Variants in PTPRG observed in about 807,000 individuals in gnomAD.
The protein encoded by PTPRG is receptor-type tyrosine-protein phosphatase gamma.
In PTPRG, 102 loss-of-function variants were observed where a neutral mutation model predicts 165.3. The observed-to-expected ratio is 0.62, with a 90% CI of 0.53 to 0.73. The LOEUF (loss-of-function observed/expected upper bound fraction) is 0.73, where lower values mean the gene tolerates loss of function less well. Among genes scored for constraint, PTPRG ranks in the 30% least tolerant of loss-of-function variants. PTPRG has a pLI of 0.00. For synonymous variants in PTPRG, 675 were observed against 669.5 expected, an observed-to-expected ratio of 1.01 and a Z score of -0.13; for missense variants, 1,866 against 1,861.4, an observed-to-expected ratio of 1.00 and a Z score of -0.05.
chr3:62,277,441 T>A, intron 25 of PTPRG, 110 bp from the exon 26 acceptor site: 1 of 1,241,620 alleles, frequency 8.1e-7, no homozygotes, highest in South Asian at 1.4e-5. Context: ...TTCTCAATTA[T>A]TTTAGTGTAG....
chr3:61,814,609 C>T (rs1019891481), intron 2 of PTPRG, among the ~76,000 whole-genome samples: 2 of 151,878 alleles, frequency 1.3e-5, no homozygotes, highest in Non-Finnish European at 2.9e-5. Context: ...TGGGAGGCTG[C>T]TTAGAATTCT....
At chr3:62,249,776 GAAGCCTACCCTC>G (rs1701370186) in intron 15 of PTPRG, among the ~76,000 whole-genome samples, 1 of 152,206 alleles carries the variant, frequency 6.6e-6, no homozygotes, top group Non-Finnish European at 1.5e-5. Context: ...CCAAGTAACT[GAAGCCTACCCTC>G]AAAGCCAAAG....
chr3:61,905,639 G>T (rs187021415), intron 2 of PTPRG, among the ~76,000 whole-genome samples: 1 of 152,222 alleles, frequency 6.6e-6, no homozygotes, highest in Non-Finnish European at 1.5e-5. Context: ...CTGTATTTCA[G>T]TTAAAGATCT....
intron 1 of PTPRG, among the ~76,000 whole-genome samples, chr3:61,729,761 T>A (rs2032416544): frequency 6.6e-6 from 1 of 152,206 alleles, no homozygotes; most frequent in Non-Finnish European, 1.5e-5. Context: ...TGGTTATGGT[T>A]ATTTTTATTT....
chr3:61,650,837 C>T (rs1326254972), intron 1 of PTPRG, among the ~76,000 whole-genome samples: 1 of 152,096 alleles, frequency 6.6e-6, no homozygotes, highest in African/African-American at 2.4e-5. Flanking sequence ...GGGTCTTTTA[C>T]CACTGTTTGG....
intron 5 of PTPRG, among the ~76,000 whole-genome samples, chr3:62,082,145 A>C (rs1441637560): frequency 6.6e-6 from 1 of 152,254 alleles, no homozygotes; most frequent in African/African-American, 2.4e-5. Context: ...CAAGTTCTGC[A>C]GAGATACCAG....
intron 1 of PTPRG, among the ~76,000 whole-genome samples, chr3:61,595,731 G>T (rs530272951): frequency 8.5e-5 from 13 of 152,246 alleles, no homozygotes; most frequent in African/African-American, 3.1e-4. Flanking sequence ...GTCTTTATTG[G>T]TTTTATAGGT....
At chr3:61,989,513 C>G (rs767252265) in intron 2 of PTPRG, 112 bp from the exon 3 acceptor site, 16 of 998,930 alleles carry the variant, frequency 1.6e-5, no homozygotes, top group Non-Finnish European at 2.2e-5. Flanking sequence ...GTACATTCAC[C>G]TCTTTGGATT....
chr3:62,276,040 C>A, intron 24 of PTPRG, 74 bp downstream of exon 24: 1 of 1,110,030 alleles, frequency 9.0e-7, no homozygotes, highest in Non-Finnish European at 1.3e-6. Context: ...AGCCACTACT[C>A]TGATGCTATT....
chr3:62,057,488 C>A (rs372333206), intron 4 of PTPRG, among the ~76,000 whole-genome samples: 1 of 152,222 alleles, frequency 6.6e-6, no homozygotes, highest in African/African-American at 2.4e-5. Context: ...AGTGGTGTTA[C>A]CATGTCCGCA....
chr3:62,038,383 G>C (rs1172353545), intron 4 of PTPRG, among the ~76,000 whole-genome samples: 2 of 152,082 alleles, frequency 1.3e-5, no homozygotes, highest in Non-Finnish European at 2.9e-5. Flanking sequence ...GAATAGTTAT[G>C]CTTTTTTCTT....
In PTPRG at chr3:62,113,459, G is replaced by A. The variant is rs150836439; in HGVS notation, c.616-19143G>A. Among the ~76,000 whole-genome samples the A allele has an allele frequency of 1.5e-3, 233 of 152,104 alleles. 3 individuals carry two copies. Among genetic ancestry groups the A allele is most frequent in the South Asian group, 0.011 (54 of 4,798 alleles). On this transcript the variant is annotated intron_variant, in intron 5 of 29. Coordinates refer to ENST00000474889, the MANE Select transcript of PTPRG (RefSeq NM_002841.4). Reference sequence around the variant, plus strand: ...TTTATATATCTGATACAAATGTGCCGAATTTGATATATACACAGATCCAAA... The same window carrying A: ...TTTATATATCTGATACAAATGTGCCAAATTTGATATATACACAGATCCAAA...
intron 6 of PTPRG, among the ~76,000 whole-genome samples, chr3:62,136,502 T>C (rs77625868): frequency 0.087 from 13,193 of 152,104 alleles, 860 homozygotes; most frequent in East Asian, 0.35. Context: ...AGCTCAGTGG[T>C]TGGACTGAGA....
At chr3:61,675,647 A>G (rs547941676) in intron 1 of PTPRG, among the ~76,000 whole-genome samples, 1 of 152,294 alleles carries the variant, frequency 6.6e-6, no homozygotes, top group South Asian at 2.1e-4. Context: ...GTAGAATATC[A>G]TAATTGATAT....
intron 1 of PTPRG, among the ~76,000 whole-genome samples, chr3:61,592,208 C>T (rs112837210): frequency 6.6e-6 from 1 of 151,938 alleles, no homozygotes; most frequent in Admixed American, 6.6e-5. Context: ...CTCAGGTGAT[C>T]CGCCTGCCTC....
intron 26 of PTPRG, among the ~76,000 whole-genome samples, chr3:62,278,347 A>C (rs1471310334): frequency 6.6e-6 from 1 of 152,034 alleles, no homozygotes; most frequent in Non-Finnish European, 1.5e-5. Flanking sequence ...GTTCCCACTT[A>C]AAGGTCTTTA....
chr3:61,605,137 C>T (rs200453311), intron 1 of PTPRG, among the ~76,000 whole-genome samples: 6 of 152,166 alleles, frequency 3.9e-5, no homozygotes, highest in East Asian at 3.9e-4. Flanking sequence ...GATTTAGTCA[C>T]GCGTCTGTTT....
chr3:62,045,156 C>CT (rs1700249085), intron 4 of PTPRG, among the ~76,000 whole-genome samples: 1 of 152,120 alleles, frequency 6.6e-6, no homozygotes, highest in South Asian at 2.1e-4. Flanking sequence ...TCCATTGTTG[C>CT]TTTTCAGATG....
chr3:62,114,114 C>G (rs1193635410), intron 5 of PTPRG, among the ~76,000 whole-genome samples: 1 of 152,184 alleles, frequency 6.6e-6, no homozygotes, highest in East Asian at 1.9e-4. Context: ...GCCTGGCCAA[C>G]ATGGTGAAAC....
Sources: gnomAD v4.1 joint callset for allele counts (sites outside exome capture counted in the v4.1 genomes callset) on GRCh38, gnomAD v4.1.1 for gene constraint, MANE v1.5 for transcripts, NCBI Gene and HGNC (gene_info 2026-07-23, HGNC 2026-07-21) for gene names.